Variants in KIF6 observed in about 807,000 individuals in gnomAD.
KIF6 encodes the protein kinesin-like protein KIF6.
In KIF6, 106 loss-of-function variants were observed where a neutral mutation model predicts 112.7. The ratio of observed to expected loss-of-function variants is 0.94; its 90% CI spans 0.80 to 1.11. The LOEUF (loss-of-function observed/expected upper bound fraction) is 1.11. Ranked by LOEUF, KIF6 falls within the 50% of genes least tolerant of loss-of-function variation. KIF6 has a pLI of 0.00. For synonymous variants in KIF6, 339 were observed against 339.9 expected (o/e 1.00, Z 0.03); for missense variants, 929 against 964.0 (o/e 0.96, Z 0.48).
At chr6:39,595,896 C>T (rs1582228483) in intron 7 of KIF6, among the ~76,000 whole-genome samples, 158 bp downstream of exon 7, 2 of 152,144 alleles carry the variant, frequency 1.3e-5, no homozygotes, top group South Asian at 2.1e-4. Flanking sequence ...GTACTTAATG[C>T]CATTGAGTTG....
intron 16 of KIF6, among the ~76,000 whole-genome samples, chr6:39,372,671 C>A (rs1766108220): frequency 6.6e-6 from 1 of 152,154 alleles, no homozygotes; most frequent in Admixed American, 6.5e-5. Flanking sequence ...AAATAGTTTG[C>A]TGCAGTTTCA....
chr6:39,399,871 G>C (rs778060151), intron 15 of KIF6, among the ~76,000 whole-genome samples: 14 of 152,326 alleles, frequency 9.2e-5, no homozygotes, highest in Non-Finnish European at 1.8e-4. Flanking sequence ...AGATGCCATC[G>C]CCAGGGCCAC....
chr6:39,349,633 T>TTTTC (rs1764076755), intron 19 of KIF6, among the ~76,000 whole-genome samples: 1 of 47,974 alleles, frequency 2.1e-5, no homozygotes, highest in Non-Finnish European at 4.1e-5. Flanking sequence ...TTGTGGCTCT[T>TTTTC]TTTTTTTTTT....
At chr6:39,699,478 G>T (rs1179954875) in intron 3 of KIF6, among the ~76,000 whole-genome samples, 9 of 152,124 alleles carry the variant, frequency 5.9e-5, no homozygotes, top group Non-Finnish European at 1.5e-5. Context: ...TAAGCAAAAG[G>T]GAGAATATTA....
rs191016419 is a variant in KIF6 at position 39,662,929 on chromosome 6, G to T, written c.252-23172C>A. Reference sequence around the variant, plus strand: ...TCTCTCTCTTTTTTTTTTTTATAGGGTCTTGCCCAGGCTGGAGTGCAGTGG... The same window carrying T: ...TCTCTCTCTTTTTTTTTTTTATAGGTTCTTGCCCAGGCTGGAGTGCAGTGG... On this transcript the variant is annotated intron_variant, in intron 3 of 22. Transcript: ENST00000287152. 1.3e-4 allele frequency among the ~76,000 whole-genome samples: 20 copies of T among 149,018 alleles called. No individual in the cohort carries two copies. The East Asian group carries it at 3.5e-3, about 26-fold the overall frequency.
chr6:39,695,195 G>A (rs760154071), intron 3 of KIF6, among the ~76,000 whole-genome samples: 1 of 151,942 alleles, frequency 6.6e-6, no homozygotes, highest in Non-Finnish European at 1.5e-5. Flanking sequence ...TAAATGAAAG[G>A]CCTCAAATGA....
intron 12 of KIF6, among the ~76,000 whole-genome samples, chr6:39,541,531 A>G: frequency 6.6e-6 from 1 of 152,184 alleles, no homozygotes; most frequent in South Asian, 2.1e-4. Flanking sequence ...ATTCAGTGAT[A>G]TTTGTTGGAG....
intron 13 of KIF6, among the ~76,000 whole-genome samples, chr6:39,448,306 C>G (rs1772458183): frequency 6.6e-6 from 1 of 152,020 alleles, no homozygotes; most frequent in Non-Finnish European, 1.5e-5. Context: ...TCCTGAGTAG[C>G]TGGGATTACA....
chr6:39,605,027 T>A (rs1782808052), intron 6 of KIF6, among the ~76,000 whole-genome samples: 1 of 152,124 alleles, frequency 6.6e-6, no homozygotes, highest in Non-Finnish European at 1.5e-5. Flanking sequence ...GTGGTACATA[T>A]GGGAAACTGA....
chr6:39,687,471 T>C (rs1787943057), intron 3 of KIF6, among the ~76,000 whole-genome samples: 1 of 152,202 alleles, frequency 6.6e-6, no homozygotes, highest in Admixed American at 6.5e-5. Flanking sequence ...TAAGTAAAAT[T>C]TGAACTTCTT....
intron 22 of KIF6, among the ~76,000 whole-genome samples, chr6:39,337,485 G>A (rs756879972): frequency 2.6e-5 from 4 of 151,688 alleles, no homozygotes; most frequent in Non-Finnish European, 5.9e-5. Context: ...GCTAATTTTT[G>A]TATTTTTACT....
At chr6:39,407,870 G>C (rs957044560) in intron 15 of KIF6, among the ~76,000 whole-genome samples, 10 of 151,996 alleles carry the variant, frequency 6.6e-5, no homozygotes, top group Non-Finnish European at 5.9e-5. Context: ...ATCTTCCTTG[G>C]GCCAGTGCTA....
intron 5 of KIF6, among the ~76,000 whole-genome samples, chr6:39,614,061 C>T (rs1315350922): frequency 3.9e-5 from 6 of 152,196 alleles, no homozygotes; most frequent in African/African-American, 1.4e-4. Context: ...CCAGGTGAAT[C>T]CTAACCCTGT....
chr6:39,383,660 A>C (rs1312237457), intron 16 of KIF6, among the ~76,000 whole-genome samples: 4 of 152,218 alleles, frequency 2.6e-5, no homozygotes, highest in Non-Finnish European at 4.4e-5. Context: ...ATGGTTCCAT[A>C]TGAATTTTAG....
intron 5 of KIF6, among the ~76,000 whole-genome samples, chr6:39,632,153 A>G (rs1220274363): frequency 1.3e-5 from 2 of 149,938 alleles, no homozygotes; most frequent in Non-Finnish European, 2.9e-5. Context: ...CTGCAAGAGC[A>G]GGCAAGTGGT....
intron 16 of KIF6, among the ~76,000 whole-genome samples, chr6:39,382,487 A>T (rs1767037791): frequency 2.0e-5 from 3 of 152,128 alleles, no homozygotes; most frequent in Admixed American, 2.0e-4. Context: ...TGTTGCCGCA[A>T]AGGATGTGAT....
At chr6:39,438,309 T>A (rs11970768) in intron 13 of KIF6, among the ~76,000 whole-genome samples, 165 of 152,282 alleles carry the variant, frequency 1.1e-3, no homozygotes, top group African/African-American at 2.1e-3. Flanking sequence ...TAGAGTGTAC[T>A]TCTTCTACTT....
At chr6:39,478,626 G>C (rs1365180846) in intron 13 of KIF6, among the ~76,000 whole-genome samples, 2 of 151,484 alleles carry the variant, frequency 1.3e-5, no homozygotes, top group Non-Finnish European at 2.9e-5. Context: ...TGTTTTCCAT[G>C]GTGGTTGTTC....
intron 3 of KIF6, among the ~76,000 whole-genome samples, chr6:39,652,347 G>A (rs35744163): frequency 1.3e-5 from 2 of 152,038 alleles, no homozygotes; most frequent in Non-Finnish European, 2.9e-5. Flanking sequence ...TGACCAACAC[G>A]GTGAAACCCC....
Sources: gnomAD v4.1 joint callset for allele counts (sites outside exome capture counted in the v4.1 genomes callset) on GRCh38, gnomAD v4.1.1 for gene constraint, MANE v1.5 for transcripts, NCBI Gene and HGNC (gene_info 2026-07-23, HGNC 2026-07-21) for gene names.